NMU: variants seen among roughly 807,000 people sequenced by gnomAD.
NMU encodes neuromedin U.
Under a neutral mutation model 35.4 loss-of-function variants are expected in NMU, and 29 were observed. The observed-to-expected ratio is 0.82, with a 90% CI of 0.61 to 1.12. The LOEUF (loss-of-function observed/expected upper bound fraction) is 1.12. Ranked by LOEUF, NMU falls within the 50% of genes most tolerant of loss-of-function variation. The pLI, the probability that NMU is intolerant of heterozygous loss-of-function variation, is 0.00. For synonymous variants in NMU, 78 were observed against 81.3 expected, an observed-to-expected ratio of 0.96 and a Z score of 0.22; for missense variants, 199 against 206.2, an observed-to-expected ratio of 0.97 and a Z score of 0.21.
intron 3 of NMU, among the ~76,000 whole-genome samples, chr4:55,611,663 G>C (rs1385560172): frequency 6.6e-6 from 1 of 152,066 alleles, no homozygotes; most frequent in Non-Finnish European, 1.5e-5. Flanking sequence ...TCTACATTTA[G>C]ATATGTTTAA....
chr4:55,618,732 T>TC, intron 2 of NMU, among the ~76,000 whole-genome samples: 1 of 142,828 alleles, frequency 7.0e-6, no homozygotes, highest in East Asian at 2.2e-4. Flanking sequence ...TCTTTCTTCT[T>TC]TCTTTCTTTT....
At chr4:55,625,929 C>A (rs765029095) in intron 2 of NMU, among the ~76,000 whole-genome samples, 1 of 151,978 alleles carries the variant, frequency 6.6e-6, no homozygotes, top group Non-Finnish European at 1.5e-5. Flanking sequence ...GCTGGGTTTC[C>A]TCCATTTCCT....
At chr4:55,597,525 C>T (rs1188340319) in intron 9 of NMU, among the ~76,000 whole-genome samples, 1 of 152,038 alleles carries the variant, frequency 6.6e-6, no homozygotes, top group Admixed American at 6.6e-5. Flanking sequence ...TGCACCACCA[C>T]ACCAGGCTAA....
intron 6 of NMU, 35 bp downstream of exon 6, chr4:55,607,263 A>T: frequency 6.8e-7 from 1 of 1,462,096 alleles, no homozygotes; most frequent in Non-Finnish European, 9.6e-7. Context: ...TTAAACAAAT[A>T]TTAGTGATTA....
At position 55,636,241 on chromosome 4, in the gene NMU, G is replaced by C; in HGVS notation, c.-49C>G. 3 of 1,421,690 alleles carry C rather than the reference G, an allele frequency of 2.1e-6. No individual in the cohort carries two copies. The highest frequency in any genetic ancestry group is 2.7e-6 in the Non-Finnish European group (3 of 1,097,748). 88.1% of individuals were successfully genotyped at this position (1,421,690 alleles called of 1,614,324 possible). A position where few individuals can be genotyped will look rare whatever the true frequency, so the allele number is the denominator to read the frequency against. On this transcript the variant is annotated 5_prime_UTR_variant, in exon 1 of 10. Coordinates refer to ENST00000264218, the MANE Select transcript of NMU (RefSeq NM_006681.4). The surrounding 1 kb of genome is among the most constrained non-coding windows in gnomAD (Gnocchi z 4.0). Reference sequence around the variant, plus strand: ...TGCTAGGGACGCTGCGCTGCGCCACGCGTAGCTGGTGCTCCACCTGGTGCC... The same window carrying C: ...TGCTAGGGACGCTGCGCTGCGCCACCCGTAGCTGGTGCTCCACCTGGTGCC...
intron 7 of NMU, among the ~76,000 whole-genome samples, chr4:55,600,789 T>C (rs1359495826): frequency 6.6e-6 from 1 of 152,176 alleles, no homozygotes; most frequent in African/African-American, 2.4e-5. Flanking sequence ...ATAATTTCCT[T>C]GTCAGTGTGA....
chr4:55,619,067 C>T (rs1734248918), intron 2 of NMU, among the ~76,000 whole-genome samples: 1 of 152,038 alleles, frequency 6.6e-6, no homozygotes, highest in African/African-American at 2.4e-5. Context: ...TGAGGTCTCA[C>T]TATGTTACCC....
intron 3 of NMU, among the ~76,000 whole-genome samples, chr4:55,610,523 C>T (rs1733891955): frequency 6.6e-6 from 1 of 151,902 alleles, no homozygotes; most frequent in African/African-American, 2.4e-5. Flanking sequence ...AGTAGTCTCA[C>T]CTCCTCTCCC....
chr4:55,603,941 A>G (rs1577936458), intron 7 of NMU, among the ~76,000 whole-genome samples: 13 of 131,836 alleles, frequency 9.9e-5, no homozygotes, highest in Non-Finnish European at 1.5e-4. Flanking sequence ...ATATATATAT[A>G]TATATGTATA....
intron 9 of NMU, among the ~76,000 whole-genome samples, chr4:55,595,930 G>A (rs908740976): frequency 3.3e-5 from 5 of 151,890 alleles, no homozygotes; most frequent in Non-Finnish European, 7.4e-5. Context: ...GTGAGTCACC[G>A]TACCCGACCT....
chr4:55,595,643 A>ATATATAT (rs1258986050), intron 9 of NMU, among the ~76,000 whole-genome samples: 2 of 66,420 alleles, frequency 3.0e-5, no homozygotes, highest in African/African-American at 1.3e-4. Context: ...ATATATATAT[A>ATATATAT]TTTTTTTTTT....
intron 7 of NMU, among the ~76,000 whole-genome samples, chr4:55,601,940 T>C (rs28756087): frequency 0.17 from 26,371 of 151,958 alleles, 2,427 homozygotes; most frequent in South Asian, 0.24. Flanking sequence ...AAGTCTGCAG[T>C]AAGCCATGAT....
chr4:55,625,804 A>G (rs763681153), intron 2 of NMU, among the ~76,000 whole-genome samples: 3 of 147,902 alleles, frequency 2.0e-5, no homozygotes, highest in Non-Finnish European at 3.0e-5. Flanking sequence ...AACACTGTCC[A>G]TTGAGACCTA....
chr4:55,607,783 T>C (rs1733752394), intron 4 of NMU, among the ~76,000 whole-genome samples: 1 of 152,262 alleles, frequency 6.6e-6, no homozygotes, highest in South Asian at 2.1e-4. Context: ...CATGATGGAA[T>C]ATTCAGAGGA....
intron 4 of NMU, among the ~76,000 whole-genome samples, chr4:55,608,631 C>T (rs1404969018): frequency 6.6e-6 from 1 of 152,002 alleles, no homozygotes; most frequent in Non-Finnish European, 1.5e-5. Flanking sequence ...TCTACTCTCA[C>T]TCCAGGACAA....
At chr4:55,603,443 C>A (rs934554797) in intron 7 of NMU, among the ~76,000 whole-genome samples, 5 of 152,026 alleles carry the variant, frequency 3.3e-5, no homozygotes, top group African/African-American at 1.2e-4. Context: ...CTATTTTGTA[C>A]TTTCTCTTAC....
At chr4:55,607,376 T>C (rs375068263) in intron 5 of NMU, 28 bp from the exon 6 acceptor site, 52 of 1,480,792 alleles carry the variant, frequency 3.5e-5, no homozygotes, top group Non-Finnish European at 3.8e-6. Context: ...TAAGTTTTAC[T>C]ATAAAAATTA....
intron 9 of NMU, among the ~76,000 whole-genome samples, chr4:55,595,634 TA>T (rs1733145332): frequency 9.1e-6 from 1 of 109,544 alleles, no homozygotes; most frequent in Non-Finnish European, 1.8e-5. Context: ...TATATATATA[TA>T]TATATATATT....
chr4:55,607,392 T>C lies in NMU; in HGVS notation c.310-44A>G, dbSNP rs753422614. 53 of 1,353,120 alleles carry C rather than the reference T, an allele frequency of 3.9e-5. No homozygotes were observed. In the East Asian group the frequency reaches 1.2e-3, roughly 31 times the overall value. 83.8% of individuals were successfully genotyped at this position (1,353,120 alleles called of 1,614,324 possible). Reference sequence around the variant, plus strand: ...AAGTTTTACTATAAAAATTAATGGTTCCCTTATTATTTTATAAGGTATAGA... The same window carrying C: ...AAGTTTTACTATAAAAATTAATGGTCCCCTTATTATTTTATAAGGTATAGA... On this transcript the variant is annotated intron_variant, in intron 5 of 9. Transcript: ENST00000264218.
Sources: gnomAD v4.1 joint callset for allele counts (sites outside exome capture counted in the v4.1 genomes callset) on GRCh38, gnomAD v4.1.1 for gene constraint, Gnocchi (gnomAD v3.1) non-coding constraint, MANE v1.5 for transcripts, NCBI Gene and HGNC (gene_info 2026-07-23, HGNC 2026-07-21) for gene names.